RP1: variants seen among roughly 807,000 people sequenced by gnomAD.
RP1 encodes the protein oxygen-regulated protein 1.
In RP1, 16 loss-of-function variants were observed where a neutral mutation model predicts 14.8. The observed-to-expected ratio is 1.08, with a 90% CI of 0.73 to 1.65. The LOEUF is 1.65. RP1 is among the 40% of genes most tolerant of loss of function. The pLI, the probability that RP1 is intolerant of heterozygous loss-of-function variation, is 0.00. For synonymous variants in RP1, 876 were observed against 883.6 expected, an observed-to-expected ratio of 0.99 and a Z score of 0.15; for missense variants, 2,631 against 2,535.0, an observed-to-expected ratio of 1.04 and a Z score of -0.81.
Position 54,628,641 on chromosome 8 carries a change from G to C in RP1, c.4759G>C (p.Val1587Leu). 6.2e-7 allele frequency: 1 copy of C among 1,614,062 alleles called. No homozygotes were observed. Among genetic ancestry groups the C allele is most frequent in the Non-Finnish European group, 8.5e-7 (1 of 1,179,954 alleles). Residue 1587 changes from valine (V) to leucine (L), a missense_variant, in exon 4 of 4, where the codon GTG becomes CTG. Coordinates refer to ENST00000220676, the MANE Select transcript of RP1 (RefSeq NM_006269.2). ...TTTAAAAAAATGCATCAAAAGTCCA[G>C]TGACTTCTGATTGGTCAGACTATCG... ...PDLKKCIKSP[V>L]TSDWSDYRPD...
chr8:54,709,698 G>A lies in RP1; in HGVS notation c.2211+3043G>A, dbSNP rs144569396. On this transcript the variant is annotated intron_variant, in intron 15 of 22. Coordinates refer to the RP1 transcript ENST00000636932. ...AAGGCAGAGATTCTCTAGGCCTTTT[G>A]GAGATAAGCACACCATAGCTAGGTT... is the stretch of plus-strand genomic sequence containing the variant. Among the ~76,000 whole-genome samples the A allele has an allele frequency of 4.7e-4, 72 of 152,268 alleles. No homozygotes were observed. The East Asian group carries it at 0.011, about 22-fold the overall frequency.
intron 1 of RP1, among the ~76,000 whole-genome samples, chr8:54,604,200 G>C (rs1025558545): frequency 2.0e-5 from 3 of 152,140 alleles, no homozygotes; most frequent in Non-Finnish European, 4.4e-5. Context: ...TTATTATTTT[G>C]AGATAATTCC....
intron 22 of RP1, among the ~76,000 whole-genome samples, chr8:54,768,534 T>C (rs1256957381): frequency 6.6e-6 from 1 of 152,150 alleles, no homozygotes; most frequent in East Asian, 1.9e-4. Flanking sequence ...ATGGAAGGAA[T>C]GAGAGTATGT....
rs769601671 is a variant in RP1, at chr8:54,627,718, CT to C, written c.3843del (p.Pro1282LeufsTer12). 1.2e-6 allele frequency: 2 copies of C among 1,614,134 alleles called. No homozygotes were observed. The highest frequency in any genetic ancestry group is 1.1e-5 in the South Asian group (1 of 91,086). On this transcript the variant is annotated frameshift_variant, in exon 4 of 4. Transcript: ENST00000220676. LOFTEE classifies it low-confidence loss of function (END_TRUNC). ...SPKETCNPSD[T>X]FFPSDGYGVD... ...AAAGAGACATGTAACCCCAGTGACACTTTTTTTCCTAGTGATGGTTATGGTG... is the reference window on the plus strand; with the variant it reads ...AAAGAGACATGTAACCCCAGTGACACTTTTTTCCTAGTGATGGTTATGGTG...
intron 1 of RP1, among the ~76,000 whole-genome samples, chr8:54,595,192 C>T (rs780420802): frequency 7.3e-5 from 11 of 150,290 alleles, no homozygotes; most frequent in Non-Finnish European, 1.2e-4. Flanking sequence ...TGCAGTCGCG[C>T]GATCTCAGCT....
intron 24 of RP1, among the ~76,000 whole-genome samples, chr8:54,806,296 C>G (rs186362505): frequency 1.3e-5 from 2 of 152,206 alleles, no homozygotes; most frequent in African/African-American, 4.8e-5. Context: ...GGATTACAAG[C>G]GTGAGCCATT....
chr8:54,691,918 A>T (rs1772280772), intron 12 of RP1, among the ~76,000 whole-genome samples: 1 of 151,742 alleles, frequency 6.6e-6, no homozygotes, highest in Non-Finnish European at 1.5e-5. Context: ...AGCACCCATT[A>T]ACTCGTCATT....
At chr8:54,666,990 T>C (rs934054186) in intron 7 of RP1, among the ~76,000 whole-genome samples, 3 of 152,132 alleles carry the variant, frequency 2.0e-5, no homozygotes, top group East Asian at 1.9e-4. Flanking sequence ...ACCTCAGATA[T>C]GGCACTGGAA....
chr8:54,808,171 C>A (rs1435614063), intron 24 of RP1, among the ~76,000 whole-genome samples: 1 of 152,196 alleles, frequency 6.6e-6, no homozygotes, highest in East Asian at 1.9e-4. Flanking sequence ...AAGAAAATTT[C>A]TCTCCTCCCA....
exon 18 of RP1, chr8:54,734,730 G>A (rs747166568): frequency 3.7e-5 from 57 of 1,531,458 alleles, no homozygotes; most frequent in South Asian, 1.9e-4. Flanking sequence ...TCCAGGACAC[G>A]AGGATGAGTT....
chr8:54,638,280 T>C (rs1028349260), intron 3 of RP1, among the ~76,000 whole-genome samples: 1 of 151,966 alleles, frequency 6.6e-6, no homozygotes, highest in African/African-American at 2.4e-5. Context: ...TCTACTAAAA[T>C]ACAAAAGATT....
intron 26 of RP1, chr8:54,856,918 TAAG>T (rs1812216474): frequency 2.8e-6 from 1 of 351,984 alleles, no homozygotes; most frequent in African/African-American, 2.1e-5. Context: ...ATAGTAGTAG[TAAG>T]AATACTATAT....
upstream of RP1, among the ~76,000 whole-genome samples, chr8:54,611,421 T>C (rs1805588854): frequency 6.6e-6 from 1 of 152,230 alleles, no homozygotes; most frequent in Non-Finnish European, 1.5e-5. Flanking sequence ...CTCAAAACTT[T>C]CAGTTGTCCT....
intron 12 of RP1, among the ~76,000 whole-genome samples, chr8:54,699,105 ATGT>A (rs537968761): frequency 4.8e-4 from 73 of 150,936 alleles, no homozygotes; most frequent in African/African-American, 1.7e-3. Flanking sequence ...TACACATTAC[ATGT>A]TATATATTTA....
chr8:54,747,491 A>G (rs1809255110), intron 19 of RP1, among the ~76,000 whole-genome samples: 1 of 152,218 alleles, frequency 6.6e-6, no homozygotes, highest in African/African-American at 2.4e-5. Context: ...ACTTTGTATT[A>G]TTCAGTGTTA....
At chr8:54,791,177 C>T (rs1035450710) in intron 24 of RP1, among the ~76,000 whole-genome samples, 1 of 152,068 alleles carries the variant, frequency 6.6e-6, no homozygotes, top group Non-Finnish European at 1.5e-5. Flanking sequence ...CGCTTGCAGG[C>T]TGGGAAAGAG....
At chr8:54,869,882 G>A in exon 29 of RP1, 1 of 1,231,972 alleles carries the variant, frequency 8.1e-7, no homozygotes, top group Non-Finnish European at 1.0e-6. Flanking sequence ...AGACCCAGCG[G>A]GAATTGCTCG....
intron 15 of RP1, among the ~76,000 whole-genome samples, chr8:54,717,705 C>G (rs994748989): frequency 7.9e-5 from 12 of 152,068 alleles, no homozygotes; most frequent in African/African-American, 2.7e-4. Context: ...AAGGACATCT[C>G]TCACCACTCC....
At chr8:54,786,894 A>T (rs1217820892) in intron 24 of RP1, among the ~76,000 whole-genome samples, 1 of 152,186 alleles carries the variant, frequency 6.6e-6, no homozygotes, top group Non-Finnish European at 1.5e-5. Flanking sequence ...TCCTTGGAAT[A>T]GAAGAGCCAC....
Sources: allele counts gnomAD v4.1 joint callset (sites outside exome capture counted in the v4.1 genomes callset), GRCh38; gene constraint gnomAD v4.1.1; transcripts MANE v1.5; gene names NCBI Gene and HGNC (gene_info 2026-07-23, HGNC 2026-07-21).